The following CTPS2 variants were observed in gnomAD, a reference collection of about 807,000 sequenced individuals.
CTPS2 encodes CTP synthase 2.
A neutral mutation model predicts 46.8 loss-of-function variants in CTPS2; 19 were observed. The observed-to-expected ratio is 0.41, with a 90% confidence interval of 0.28 to 0.60. The LOEUF (loss-of-function observed/expected upper bound fraction) is 0.60, where lower values mean the gene tolerates loss of function less well. CTPS2 is among the 20% of genes least tolerant of loss of function. CTPS2 has a pLI of 0.35. For missense variants in CTPS2, 286 were observed against 447.6 expected (o/e 0.64, Z 3.26); for synonymous variants, 151 against 165.2 (o/e 0.91, Z 0.66).
At chrX:16,653,227 G>A (rs1018149563) in intron 13 of CTPS2, among the ~76,000 whole-genome samples, 1 of 110,623 alleles carries the variant, frequency 9.0e-6, no homozygotes, top group East Asian at 2.8e-4. Flanking sequence ...AGTAGTAATG[G>A]CTTTAAGATT....
intron 11 of CTPS2, among the ~76,000 whole-genome samples, chrX:16,668,810 G>A (rs1265003778): frequency 9.2e-6 from 1 of 108,756 alleles, no homozygotes; most frequent in African/African-American, 3.4e-5. Context: ...AGGAAGGAAG[G>A]AAGGAAAGAA....
intron 17 of CTPS2, among the ~76,000 whole-genome samples, chrX:16,596,003 G>A (rs1158130213): frequency 9.0e-6 from 1 of 110,975 alleles, no homozygotes; most frequent in Non-Finnish European, 1.9e-5. Flanking sequence ...CGAGTAGCTG[G>A]GACTACAGGC....
Position 16,667,740 on chromosome X carries a change from C to G in CTPS2, c.1190-16G>C, listed in dbSNP as rs1296870870. 4 of 1,190,905 alleles carry G rather than the reference C, an allele frequency of 3.4e-6. No individual in the cohort carries two copies. The highest frequency in any genetic ancestry group is 4.5e-6 in the Non-Finnish European group (4 of 880,845). On this transcript the variant is annotated splice_polypyrimidine_tract_variant and intron_variant, in intron 11 of 18. Coordinates refer to ENST00000359276, the MANE Select transcript of CTPS2 (RefSeq NM_175859.3). The stretch of plus-strand genomic sequence containing the variant: ...AGACAAACTCCTATTTTAAAAAGCA[C>G]ATATGCAAAGCAAATGAACTCACTT...
chrX:16,639,854 A>G lies in CTPS2; in HGVS notation c.1297-611T>C, dbSNP rs1487016625. On this transcript the variant is annotated intron_variant, in intron 13 of 18. Transcript: ENST00000359276. ...GAAGAAAAGAAAAGGAAAAGAAAAG[A>G]AAAGAAAGAAAGAAGTATCATCCAG... 2.7e-5 allele frequency among the ~76,000 whole-genome samples: 3 copies of G among 111,386 alleles called. No individual in the cohort carries two copies. In the Admixed American group the frequency reaches 2.9e-4, roughly 11 times the overall value.
At chrX:16,664,439 G>C (rs1280374571) in intron 13 of CTPS2, among the ~76,000 whole-genome samples, 1 of 111,278 alleles carries the variant, frequency 9.0e-6, no homozygotes, top group African/African-American at 3.3e-5. Context: ...TGAGTTACAA[G>C]CTATAAAAAA....
chrX:16,616,308 T>C (rs754431009), intron 16 of CTPS2, among the ~76,000 whole-genome samples: 1 of 112,477 alleles, frequency 8.9e-6, no homozygotes, highest in South Asian at 3.7e-4. Flanking sequence ...ATGCCTTTAT[T>C]TCTGTTCTGT....
intron 17 of CTPS2, among the ~76,000 whole-genome samples, chrX:16,603,377 C>T (rs1047259101): frequency 1.8e-5 from 2 of 109,024 alleles, no homozygotes; most frequent in Admixed American, 1.0e-4. Context: ...GATCATGACA[C>T]TGCACTCCAG....
At chrX:16,629,134 TG>T (rs1931327755) in intron 14 of CTPS2, among the ~76,000 whole-genome samples, 1 of 112,414 alleles carries the variant, frequency 8.9e-6, no homozygotes, top group Non-Finnish European at 1.9e-5. Context: ...CTCCACAGGC[TG>T]GGCTCTTAAC....
chrX:16,660,698 G>A (rs1313170287), intron 13 of CTPS2, among the ~76,000 whole-genome samples: 1 of 110,679 alleles, frequency 9.0e-6, no homozygotes, highest in African/African-American at 3.3e-5. Flanking sequence ...TTGTAGACAC[G>A]AGGTATCACC....
intron 1 of CTPS2, among the ~76,000 whole-genome samples, chrX:16,706,530 C>T (rs1184087201): frequency 9.0e-6 from 1 of 111,049 alleles, no homozygotes. Flanking sequence ...TTGAGACCAG[C>T]CTGGCCAACA....
At chrX:16,694,526 G>A (rs1325864628) in intron 4 of CTPS2, among the ~76,000 whole-genome samples, 1 of 112,360 alleles carries the variant, frequency 8.9e-6, no homozygotes, top group Admixed American at 9.5e-5. Context: ...TTTCATTTCC[G>A]TCTTTGTTTC....
At chrX:16,703,865 C>A (rs186817258) in intron 1 of CTPS2, among the ~76,000 whole-genome samples, 2 of 110,685 alleles carry the variant, frequency 1.8e-5, no homozygotes, top group African/African-American at 6.6e-5. Context: ...CACAGGCATG[C>A]TAAAATGTTT....
chrX:16,621,087 G>A (rs1930801983), intron 14 of CTPS2, among the ~76,000 whole-genome samples: 1 of 110,957 alleles, frequency 9.0e-6, no homozygotes, highest in Non-Finnish European at 1.9e-5. Context: ...CCAGGGGTGT[G>A]TGGCTGAGAA....
At chrX:16,698,154 G>T in intron 4 of CTPS2, 82 bp downstream of exon 4, 1 of 723,909 alleles carries the variant, frequency 1.4e-6, no homozygotes, top group Non-Finnish European at 2.2e-6. Flanking sequence ...GAGGGCGTGT[G>T]TAAGTATTTG....
chrX:16,663,176 C>A (rs1933015544), intron 13 of CTPS2, among the ~76,000 whole-genome samples: 3 of 111,639 alleles, frequency 2.7e-5, no homozygotes, highest in African/African-American at 9.8e-5. Flanking sequence ...GAGACAGGGT[C>A]TCGCTCTGTC....
At chrX:16,702,460 G>A (rs1442307085) in intron 2 of CTPS2, among the ~76,000 whole-genome samples, 1 of 112,156 alleles carries the variant, frequency 8.9e-6, no homozygotes, top group Non-Finnish European at 1.9e-5. Flanking sequence ...GTTACTCCAG[G>A]CAGTGGGAAA....
chrX:16,654,385 T>A (rs1932769949), intron 13 of CTPS2: 2 of 1,062,499 alleles, frequency 1.9e-6, no homozygotes, highest in South Asian at 2.2e-5. Flanking sequence ...CCTTCTCCCA[T>A]CCTTTTTTAT....
At position 16,672,078 on chromosome X, in the gene CTPS2, T is replaced by C. The variant is rs1196437677; in HGVS notation, c.1095-1404A>G. Among the ~76,000 whole-genome samples, 4 of 111,231 alleles carry C rather than the reference T, an allele frequency of 3.6e-5. No individual in the cohort carries two copies. In the East Asian group the frequency reaches 1.1e-3, roughly 32 times the overall value. ...AACTTAGGAAGGTTAGAGTCCTTCCTAAGGTTTAGGGGGTTAGAGGCCTCT... is the reference window on the plus strand; with the variant it reads ...AACTTAGGAAGGTTAGAGTCCTTCCCAAGGTTTAGGGGGTTAGAGGCCTCT... On this transcript the variant is annotated intron_variant, in intron 10 of 18. Coordinates refer to ENST00000359276, the MANE Select transcript of CTPS2 (RefSeq NM_175859.3).
chrX:16,689,043 G>A (rs1329340090), intron 8 of CTPS2, among the ~76,000 whole-genome samples: 1 of 111,133 alleles, frequency 9.0e-6, no homozygotes, highest in Non-Finnish European at 1.9e-5. Flanking sequence ...AGGTTGCAGT[G>A]AGCCGAGATC....
Sources: gnomAD v4.1 joint callset for allele counts (sites outside exome capture counted in the v4.1 genomes callset) on GRCh38, gnomAD v4.1.1 for gene constraint, MANE v1.5 for transcripts, NCBI Gene and HGNC (gene_info 2026-07-23, HGNC 2026-07-21) for gene names.